Variants in RSAD2 observed in about 807,000 individuals in gnomAD.
RSAD2 encodes the protein S-adenosylmethionine-dependent nucleotide dehydratase RSAD2.
Under a neutral mutation model 37.7 loss-of-function variants are expected in RSAD2, and 38 were observed. The observed-to-expected ratio is 1.01, with a 90% CI of 0.78 to 1.32. The LOEUF is 1.32. Ranked by LOEUF, RSAD2 falls within the 40% of genes most tolerant of loss-of-function variation. The pLI is 0.00. For synonymous variants in RSAD2, 163 were observed against 157.4 expected (o/e 1.04, Z -0.27); for missense variants, 428 against 437.5 (o/e 0.98, Z 0.19).
At chr2:6,887,976 A>G (rs1360672534) in intron 3 of RSAD2, among the ~76,000 whole-genome samples, 3 of 152,240 alleles carry the variant, frequency 2.0e-5, no homozygotes, top group Non-Finnish European at 4.4e-5. Context: ...GTGCTACCAT[A>G]TCGTGAAATG....
chr2:6,874,904 C>A (rs1219625582), upstream of RSAD2, among the ~76,000 whole-genome samples: 1 of 152,186 alleles, frequency 6.6e-6, no homozygotes, highest in Non-Finnish European at 1.5e-5. Flanking sequence ...ATTGGAAATA[C>A]TGATTATATT....
intron 1 of RSAD2, among the ~76,000 whole-genome samples, chr2:6,880,965 G>T (rs937166095): frequency 3.9e-5 from 6 of 152,104 alleles, no homozygotes; most frequent in African/African-American, 9.7e-5. Context: ...ATGAGCATCA[G>T]ATCTGGGCTG....
chr2:6,893,847 G>A (rs560053683), intron 5 of RSAD2, 144 bp downstream of exon 5: 4 of 620,360 alleles, frequency 6.4e-6, no homozygotes, highest in Non-Finnish European at 1.1e-5. Flanking sequence ...CAGTGATTAT[G>A]ATTATGCCAG....
chr2:6,891,754 A>C (rs1343906390), intron 4 of RSAD2, among the ~76,000 whole-genome samples: 1 of 152,178 alleles, frequency 6.6e-6, no homozygotes, highest in African/African-American at 2.4e-5. Flanking sequence ...CGACAGAGCG[A>C]GACTCTGTCT....
rs979083683 is a variant in RSAD2, at chr2:6,897,351, G to A, written c.*1409G>A. The A allele has an allele frequency of 6.6e-6, 1 of 152,130 alleles. No homozygotes were observed. Among genetic ancestry groups the A allele is most frequent in the Non-Finnish European group, 1.5e-5 (1 of 68,036 alleles). The allele number at this position is 152,130 out of a possible 1,614,324, so 9.4% of individuals were successfully genotyped here. On this transcript the variant is annotated 3_prime_UTR_variant, in exon 6 of 6. Transcript: ENST00000382040. ...CTGCAATTTCAGTGTTCCTCACTAG[G>A]TGGCATTTAAATGTCGCCTGATGTC... is the stretch of plus-strand genomic sequence containing the variant.
chr2:6,875,496 T>C (rs1405408313), upstream of RSAD2, among the ~76,000 whole-genome samples: 4 of 152,170 alleles, frequency 2.6e-5, no homozygotes, highest in Non-Finnish European at 5.9e-5. Flanking sequence ...ATGGTTGGGG[T>C]AGCCAACCAA....
At chr2:6,866,183 G>A (rs1431775152) in intron 1 of RSAD2, 1 of 185,398 alleles carries the variant, frequency 5.4e-6, no homozygotes, top group Non-Finnish European at 1.1e-5. Context: ...CCGGTGTAAC[G>A]GGCTCTTCAA....
In RSAD2 at chr2:6,893,506, C is replaced by A. The variant is rs1437772402; in HGVS notation, c.889-165C>A. ...TGTGATCTGTTGAAAACCGAATGCA[C>A]ACAAACAGAGCCTTGTCTTGTGAGG... On this transcript the variant is annotated intron_variant, in intron 4 of 5. Transcript: ENST00000382040. Among the ~76,000 whole-genome samples the A allele has an allele frequency of 2.6e-5, 4 of 152,172 alleles. No homozygotes were observed. In the South Asian group the frequency reaches 6.2e-4, roughly 24 times the overall value.
rs775638214 is a variant in RSAD2, at chr2:6,883,360, A to G, written c.347-11A>G. The G allele has an allele frequency of 2.5e-5, 40 of 1,613,798 alleles. No individual in the cohort carries two copies. In the African/African-American group the frequency reaches 5.1e-4, roughly 20 times the overall value. ...TGTGAAGTGGTAAAATTCATGTATC[A>G]CCTTGCACAGGTATGGAGAAGATCA... On this transcript the variant is annotated splice_polypyrimidine_tract_variant and intron_variant, in intron 1 of 5. Coordinates refer to ENST00000382040, the MANE Select transcript of RSAD2 (RefSeq NM_080657.5).
intron 1 of RSAD2, among the ~76,000 whole-genome samples, chr2:6,866,888 GTC>G (rs886067501): frequency 2.6e-5 from 4 of 151,740 alleles, no homozygotes; most frequent in Non-Finnish European, 4.4e-5. Flanking sequence ...GAAAAAAAAA[GTC>G]TTAACAAACG....
intron 1 of RSAD2, among the ~76,000 whole-genome samples, chr2:6,878,453 G>T (rs1408867453): frequency 6.6e-6 from 1 of 152,204 alleles, no homozygotes; most frequent in East Asian, 1.9e-4. Flanking sequence ...TACACTTGGT[G>T]TTTGGAAAGA....
chr2:6,868,527 A>G (rs953259291), intron 1 of RSAD2, among the ~76,000 whole-genome samples: 2 of 152,228 alleles, frequency 1.3e-5, no homozygotes, highest in East Asian at 3.8e-4. Context: ...TGTTGAGTCT[A>G]TAACTCTGTA....
At chr2:6,879,147 C>T (rs188047763) in intron 1 of RSAD2, 687 of 440,884 alleles carry the variant, frequency 1.6e-3, no homozygotes, top group Non-Finnish European at 2.6e-3. Context: ...GACTTCTTTG[C>T]TCCACGTTAC....
rs764153299 is a variant in RSAD2, at chr2:6,895,925, C to T, written c.1069C>T (p.Leu357=). The T allele has an allele frequency of 8.7e-6, 14 of 1,613,862 alleles. No individual in the cohort carries two copies. Among genetic ancestry groups the T allele is most frequent in the Middle Eastern group, 3.3e-4 (2 of 6,058 alleles). ...AAAATACATATGGAGTAAGGCTGAT[C>T]TGAAGCTGGATTGGTAGAGCGGAAA... is the stretch of plus-strand genomic sequence containing the variant. The part of the protein sequence containing the change: ...GGKYIWSKAD[L]KLDW The change falls in exon 6 of 6, where the codon CTG becomes TTG. Residue 357 remains leucine, a synonymous_variant. Transcript: ENST00000382040.
chr2:6,891,823 T>C (rs1663637561), intron 4 of RSAD2, among the ~76,000 whole-genome samples: 1 of 152,108 alleles, frequency 6.6e-6, no homozygotes, highest in Non-Finnish European at 1.5e-5. Flanking sequence ...AGCCTGTCAT[T>C]CAGCATACAG....
At chr2:6,866,113 T>G (rs879484420) in intron 1 of RSAD2, 1 of 226,660 alleles carries the variant, frequency 4.4e-6, no homozygotes, top group Non-Finnish European at 9.0e-6. Flanking sequence ...CCTCTGCGGC[T>G]TATGCCGGGT....
At chr2:6,890,094 A>G (rs1048020991) in intron 3 of RSAD2, 82 bp from the exon 4 acceptor site, 5 of 1,347,906 alleles carry the variant, frequency 3.7e-6, no homozygotes, top group Non-Finnish European at 2.1e-6. Context: ...AGAAGAGATG[A>G]AGCTTGAAAA....
At chr2:6,868,207 G>GA (rs1467394729) in intron 1 of RSAD2, among the ~76,000 whole-genome samples, 1 of 151,962 alleles carries the variant, frequency 6.6e-6, no homozygotes, top group Admixed American at 6.5e-5. Context: ...AAGAAAAAAA[G>GA]AAACAGAATG....
chr2:6,875,757 T>C (rs1663270474), upstream of RSAD2, among the ~76,000 whole-genome samples: 1 of 152,234 alleles, frequency 6.6e-6, no homozygotes, highest in Non-Finnish European at 1.5e-5. Context: ...CCCTGTTCTC[T>C]AACAGCTATA....
Sources: gnomAD v4.1 joint callset for allele counts (sites outside exome capture counted in the v4.1 genomes callset) on GRCh38, gnomAD v4.1.1 for gene constraint, MANE v1.5 for transcripts, NCBI Gene and HGNC (gene_info 2026-07-23, HGNC 2026-07-21) for gene names.